Variants in NKAIN3 observed in about 807,000 individuals in gnomAD.
NKAIN3 encodes the protein sodium/potassium transporting ATPase interacting 3.
A neutral mutation model predicts 30.2 loss-of-function variants in NKAIN3; 25 were observed. The ratio of observed to expected loss-of-function variants is 0.83; its 90% CI spans 0.60 to 1.16. The LOEUF (loss-of-function observed/expected upper bound fraction) is 1.16. NKAIN3 is among the 50% of genes most tolerant of loss of function. The pLI, the probability that NKAIN3 is intolerant of heterozygous loss-of-function variation, is 0.00. For synonymous variants in NKAIN3, 91 were observed against 89.6 expected, an observed-to-expected ratio of 1.02 and a Z score of -0.09; for missense variants, 225 against 254.1, an observed-to-expected ratio of 0.89 and a Z score of 0.78.
intron 4 of NKAIN3, among the ~76,000 whole-genome samples, chr8:62,760,281 T>C (rs1193740153): frequency 6.6e-6 from 1 of 152,174 alleles, no homozygotes; most frequent in African/African-American, 2.4e-5. Context: ...ACTGGGTATA[T>C]ACCCAAAGGA....
chr8:62,985,689 C>T (rs532947890), downstream of NKAIN3, among the ~76,000 whole-genome samples: 1 of 152,104 alleles, frequency 6.6e-6, no homozygotes, highest in East Asian at 1.9e-4. Flanking sequence ...TCAGACTTTC[C>T]CAAAAACAGT....
chr8:62,290,207 C>T (rs897248835), intron 1 of NKAIN3, among the ~76,000 whole-genome samples: 1 of 152,164 alleles, frequency 6.6e-6, no homozygotes, highest in Non-Finnish European at 1.5e-5. Context: ...ATTTGACTTC[C>T]TCTTTTCCTA....
intron 4 of NKAIN3, among the ~76,000 whole-genome samples, chr8:62,816,201 A>T (rs1818673945): frequency 6.6e-6 from 1 of 152,140 alleles, no homozygotes; most frequent in African/African-American, 2.4e-5. Context: ...TTTCCTGTAG[A>T]TGTGTCCTAT....
chr8:62,772,853 G>A (rs994492744), intron 4 of NKAIN3, among the ~76,000 whole-genome samples: 1 of 152,002 alleles, frequency 6.6e-6, no homozygotes, highest in Non-Finnish European at 1.5e-5. Context: ...TAGAGACAGG[G>A]TCTCACCATA....
chr8:62,641,184 C>T (rs974109597), intron 3 of NKAIN3, among the ~76,000 whole-genome samples: 2 of 152,012 alleles, frequency 1.3e-5, no homozygotes, highest in Non-Finnish European at 2.9e-5. Flanking sequence ...CTTACACCAC[C>T]AAAATTTGAT....
Position 62,965,641 on chromosome 8 carries a change from AAAC to A in NKAIN3, c.*236_*238del, listed in dbSNP as rs1823691772. ...GTTGTAAAAAAAAAAAAAAAAGAAAAAACAGAATTTGGTTTTAAATTTTTAACA... is the reference window on the plus strand; with the variant it reads ...GTTGTAAAAAAAAAAAAAAAAGAAAAAGAATTTGGTTTTAAATTTTTAACA... On this transcript the variant is annotated 3_prime_UTR_variant, in exon 7 of 7. Coordinates refer to ENST00000623646, the MANE Select transcript of NKAIN3 (RefSeq NM_001304533.3). The A allele has an allele frequency of 1.0e-6, 1 of 976,262 alleles. No homozygotes were observed. Among genetic ancestry groups the A allele is most frequent in the Non-Finnish European group, 1.2e-6 (1 of 821,726 alleles). The allele number at this position is 976,262 out of a possible 1,614,324, so 60.5% of individuals were successfully genotyped here.
intron 1 of NKAIN3, among the ~76,000 whole-genome samples, chr8:62,512,174 A>G (rs1244549112): frequency 2.0e-5 from 3 of 152,122 alleles, no homozygotes; most frequent in South Asian, 2.1e-4. Context: ...AAGAGTTTTT[A>G]TCTATGAAGA....
At chr8:62,494,093 T>A (rs1807157089) in intron 1 of NKAIN3, among the ~76,000 whole-genome samples, 1 of 152,224 alleles carries the variant, frequency 6.6e-6, no homozygotes, top group African/African-American at 2.4e-5. Context: ...GACATCTTTG[T>A]CTTGTGCTGG....
intron 1 of NKAIN3, among the ~76,000 whole-genome samples, chr8:62,435,271 G>C (rs1035239777): frequency 2.6e-4 from 39 of 151,990 alleles, no homozygotes; most frequent in African/African-American, 8.5e-4. Context: ...CTTCCTCCTG[G>C]GGGCCTAATA....
chr8:62,964,537 AGTGTGTGTGTGTGTGTGT>A (rs56313500), intron 6 of NKAIN3, among the ~76,000 whole-genome samples: 4 of 133,132 alleles, frequency 3.0e-5, no homozygotes, highest in Non-Finnish European at 6.4e-5. Flanking sequence ...AGAGAGAGAG[AGTGTGTGTGTGTGTGTGT>A]GTGTGTGTGT....
intron 1 of NKAIN3, among the ~76,000 whole-genome samples, chr8:62,300,210 G>A (rs11986195): frequency 0.011 from 1,602 of 152,024 alleles, 38 homozygotes; most frequent in African/African-American, 0.036. Context: ...AGGTGGCCAC[G>A]GGATAACAAT....
intron 1 of NKAIN3, among the ~76,000 whole-genome samples, chr8:62,291,985 A>T (rs1239174015): frequency 6.6e-6 from 1 of 152,118 alleles, no homozygotes; most frequent in Non-Finnish European, 1.5e-5. Flanking sequence ...CTTTACCATT[A>T]TGTAATTGCC....
intron 1 of NKAIN3, among the ~76,000 whole-genome samples, chr8:62,531,881 G>T (rs760903888): frequency 2.0e-5 from 3 of 152,204 alleles, no homozygotes; most frequent in Non-Finnish European, 4.4e-5. Flanking sequence ...CTCTCCTAGG[G>T]AGTAGGAAAT....
intron 1 of NKAIN3, among the ~76,000 whole-genome samples, chr8:62,262,251 C>G (rs1264571365): frequency 6.6e-6 from 1 of 152,082 alleles, no homozygotes; most frequent in African/African-American, 2.4e-5. Flanking sequence ...TTATTGACAT[C>G]TATTTTTGGA....
chr8:62,273,500 G>A (rs971610630), intron 1 of NKAIN3, among the ~76,000 whole-genome samples: 2 of 152,132 alleles, frequency 1.3e-5, no homozygotes, highest in African/African-American at 4.8e-5. Flanking sequence ...TTTGGTTACT[G>A]TAATGATAAA....
intron 3 of NKAIN3, among the ~76,000 whole-genome samples, chr8:62,723,495 A>T (rs1190158991): frequency 1.3e-5 from 2 of 152,132 alleles, no homozygotes; most frequent in African/African-American, 4.8e-5. Flanking sequence ...GTAATCAAAT[A>T]ACTATTGATT....
At chr8:62,444,758 A>C (rs1181152187) in intron 1 of NKAIN3, among the ~76,000 whole-genome samples, 1 of 152,036 alleles carries the variant, frequency 6.6e-6, no homozygotes, top group Non-Finnish European at 1.5e-5. Flanking sequence ...TGATAGTTCT[A>C]TTTTCAGTTT....
Position 62,966,830 on chromosome 8 carries a change from G to A in NKAIN3, c.*1423G>A, listed in dbSNP as rs12547848. 0.088 allele frequency among the ~76,000 whole-genome samples: 13,330 copies of A among 152,222 alleles called. 756 individuals are homozygous for A. Among genetic ancestry groups the A allele is most frequent in the East Asian group, 0.28 (1,453 of 5,178 alleles). On this transcript the variant is annotated 3_prime_UTR_variant, in exon 7 of 7. Coordinates refer to ENST00000623646, the MANE Select transcript of NKAIN3 (RefSeq NM_001304533.3). ...CAGCCCATGCATCTCTAAGAAGTCC[G>A]TCTATTAACCACCTAAAACTGTTAC...
At chr8:62,887,403 C>T (rs10435606) in intron 4 of NKAIN3, among the ~76,000 whole-genome samples, 31,400 of 151,842 alleles carry the variant, frequency 0.21, 3,859 homozygotes, top group East Asian at 0.54. Flanking sequence ...GGGTTGATAT[C>T]TGATATTAAT....
Sources: allele counts gnomAD v4.1 joint callset (sites outside exome capture counted in the v4.1 genomes callset), GRCh38; gene constraint gnomAD v4.1.1; transcripts MANE v1.5; gene names NCBI Gene and HGNC (gene_info 2026-07-23, HGNC 2026-07-21).